Variants in NCOA1 observed in about 807,000 individuals in gnomAD.
NCOA1 encodes Hin-2 protein.
NCOA1 carries 35 observed loss-of-function variants against 150.9 expected under a neutral mutation model. The ratio of observed to expected loss-of-function variants is 0.23; its 90% confidence interval spans 0.18 to 0.31. NCOA1 has a LOEUF of 0.31. Ranked by LOEUF, NCOA1 falls within the 10% of genes least tolerant of loss-of-function variation. The probability of loss-of-function intolerance (pLI) is 1.00; values close to 1 mark genes in which losing one functional copy is unlikely to be tolerated. For missense variants in NCOA1, 1,491 were observed against 1,749.3 expected, an observed-to-expected ratio of 0.85 and a Z score of 2.63; for synonymous variants, 590 against 630.0, an observed-to-expected ratio of 0.94 and a Z score of 0.95.
chr2:24,575,430 C>G (rs1432689794), intron 2 of NCOA1, among the ~76,000 whole-genome samples: 4 of 152,098 alleles, frequency 2.6e-5, no homozygotes, highest in Non-Finnish European at 4.4e-5. Flanking sequence ...GCTAAGTTCT[C>G]TGTCAGTTCT....
intron 14 of NCOA1, among the ~76,000 whole-genome samples, chr2:24,722,164 G>A (rs1674386203): frequency 6.6e-6 from 1 of 152,106 alleles, no homozygotes; most frequent in Non-Finnish European, 1.5e-5. Context: ...GAATAAACCA[G>A]GATTTAAATC....
intron 3 of NCOA1, among the ~76,000 whole-genome samples, chr2:24,587,970 C>G (rs201278052): frequency 6.6e-6 from 1 of 152,156 alleles, no homozygotes; most frequent in East Asian, 1.9e-4. Context: ...TTCTGTACAG[C>G]TCATTATTCC....
intron 1 of NCOA1, among the ~76,000 whole-genome samples, chr2:24,501,172 G>A (rs185967583): frequency 1.3e-5 from 2 of 152,294 alleles, no homozygotes; most frequent in Non-Finnish European, 1.5e-5. Context: ...AATGGTGAAT[G>A]GGATTGGAAA....
At position 24,558,094 on chromosome 2, in the gene NCOA1, A is replaced by G. The variant is rs150414299; in HGVS notation, c.-395-6201A>G. ...ATTTTTTTTTCTTCTCCTGGGAGTA[A>G]TAGACATTCTGATATAATTCCACAG... On this transcript the variant is annotated intron_variant, in intron 1 of 22. Coordinates refer to ENST00000348332, the MANE Select transcript of NCOA1 (RefSeq NM_003743.5). 1.1e-4 allele frequency among the ~76,000 whole-genome samples: 17 copies of G among 151,702 alleles called. No homozygotes were observed. In the East Asian group the frequency reaches 3.3e-3, roughly 30 times the overall value.
chr2:24,497,044 G>C (rs1663248031), intron 1 of NCOA1, among the ~76,000 whole-genome samples: 1 of 152,158 alleles, frequency 6.6e-6, no homozygotes, highest in Admixed American at 6.5e-5. Context: ...TTTATTGAGT[G>C]TTGTCTCTGA....
chr2:24,516,954 A>AT (rs1558758482), intron 1 of NCOA1, among the ~76,000 whole-genome samples: 84 of 22,250 alleles, frequency 3.8e-3, no homozygotes, highest in African/African-American at 5.3e-3. Context: ...GTATATATAC[A>AT]AGTATATATA....
At chr2:24,766,484 C>T (rs922648521) in intron 22 of NCOA1, among the ~76,000 whole-genome samples, 1 of 152,004 alleles carries the variant, frequency 6.6e-6, no homozygotes, top group African/African-American at 2.4e-5. Flanking sequence ...TTTGTATTTA[C>T]CAGACGGCAG....
chr2:24,516,997 C>CATAT (rs1572372557), intron 1 of NCOA1, among the ~76,000 whole-genome samples: 75 of 16,158 alleles, frequency 4.6e-3, no homozygotes, highest in Admixed American at 0.021. Flanking sequence ...TATATATACA[C>CATAT]ACGCGCGCAC....
intron 1 of NCOA1, among the ~76,000 whole-genome samples, chr2:24,503,747 T>C (rs1346927090): frequency 6.6e-6 from 1 of 151,578 alleles, no homozygotes; most frequent in Non-Finnish European, 1.5e-5. Context: ...TTTTTTTTTT[T>C]TTTTTAAGAC....
chr2:24,500,300 G>T (rs1224897586), intron 1 of NCOA1, among the ~76,000 whole-genome samples: 1 of 152,116 alleles, frequency 6.6e-6, no homozygotes, highest in Admixed American at 6.5e-5. Flanking sequence ...TGGAGACGGG[G>T]TTTCTCCATG....
chr2:24,764,994 C>T (rs1238265075), intron 22 of NCOA1, among the ~76,000 whole-genome samples: 1 of 152,018 alleles, frequency 6.6e-6, no homozygotes, highest in Non-Finnish European at 1.5e-5. Flanking sequence ...CCAGCCTGGC[C>T]AACATGGAGA....
At chr2:24,545,186 C>T (rs1293590466) in intron 1 of NCOA1, among the ~76,000 whole-genome samples, 1 of 152,106 alleles carries the variant, frequency 6.6e-6, no homozygotes, top group African/African-American at 2.4e-5. Context: ...AGAACTAAGG[C>T]TCCCTGGAAA....
intron 3 of NCOA1, among the ~76,000 whole-genome samples, chr2:24,594,628 G>C (rs907687889): frequency 2.6e-5 from 4 of 151,944 alleles, no homozygotes; most frequent in Non-Finnish European, 5.9e-5. Flanking sequence ...CCTTAACATC[G>C]GTATTACTTG....
At chr2:24,623,269 A>G (rs1455465722) in intron 3 of NCOA1, among the ~76,000 whole-genome samples, 1 of 152,234 alleles carries the variant, frequency 6.6e-6, no homozygotes, top group African/African-American at 2.4e-5. Context: ...TAGTAAGAGT[A>G]TGAGAATGGG....
intron 1 of NCOA1, among the ~76,000 whole-genome samples, chr2:24,500,886 T>C (rs1233015256): frequency 1.3e-5 from 2 of 152,158 alleles, no homozygotes; most frequent in Admixed American, 6.5e-5. Context: ...GAAAGGATAT[T>C]GAAAATGGAT....
intron 3 of NCOA1, among the ~76,000 whole-genome samples, chr2:24,633,377 G>A (rs985030838): frequency 5.9e-5 from 9 of 151,908 alleles, no homozygotes; most frequent in African/African-American, 2.2e-4. Flanking sequence ...ATAATAAACA[G>A]AAGATAAAGT....
chr2:24,567,602 A>T (rs1313330353), intron 2 of NCOA1, among the ~76,000 whole-genome samples: 1 of 152,230 alleles, frequency 6.6e-6, no homozygotes, highest in Admixed American at 6.5e-5. Context: ...CTTTCTAAGT[A>T]ATATACTTAA....
At chr2:24,756,681 A>G (rs1430955009) in intron 20 of NCOA1, among the ~76,000 whole-genome samples, 2 of 152,224 alleles carry the variant, frequency 1.3e-5, no homozygotes, top group Admixed American at 6.5e-5. Context: ...TAGTCATAAA[A>G]TATTTGATGT....
chr2:24,692,540 A>G (rs1348480931), intron 9 of NCOA1, among the ~76,000 whole-genome samples: 1 of 152,210 alleles, frequency 6.6e-6, no homozygotes, highest in Non-Finnish European at 1.5e-5. Flanking sequence ...AATTATCTAC[A>G]CTGTGGTTAT....
Sources: allele counts gnomAD v4.1 joint callset (sites outside exome capture counted in the v4.1 genomes callset), GRCh38; gene constraint gnomAD v4.1.1; transcripts MANE v1.5; gene names NCBI Gene and HGNC (gene_info 2026-07-23, HGNC 2026-07-21).